Variants in ITGBL1 observed in about 807,000 individuals in gnomAD.
ITGBL1 encodes integrin subunit beta like 1.
In ITGBL1, 51 loss-of-function variants were observed where a neutral mutation model predicts 68.5. That is an observed-to-expected ratio of 0.74 (90% CI 0.59 to 0.94). The LOEUF is 0.94. Ranked by LOEUF, ITGBL1 falls within the 40% of genes least tolerant of loss-of-function variation. ITGBL1 has a pLI of 0.00. For missense variants in ITGBL1, 649 were observed against 647.4 expected (o/e 1.00, Z -0.03); for synonymous variants, 209 against 227.3 (o/e 0.92, Z 0.72).
At chr13:101,551,767 G>T (rs751854977) in intron 2 of ITGBL1, among the ~76,000 whole-genome samples, 1 of 152,114 alleles carries the variant, frequency 6.6e-6, no homozygotes, top group Non-Finnish European at 1.5e-5. Flanking sequence ...TATAAACTTG[G>T]TAAAGCTATT....
At chr13:101,497,194 C>A (rs894424024) in intron 2 of ITGBL1, among the ~76,000 whole-genome samples, 1 of 152,218 alleles carries the variant, frequency 6.6e-6, no homozygotes, top group East Asian at 1.9e-4. Context: ...ATTTACCTGA[C>A]AATCATATTA....
intron 8 of ITGBL1, among the ~76,000 whole-genome samples, chr13:101,693,121 A>T (rs1037901972): frequency 1.3e-5 from 2 of 152,166 alleles, no homozygotes; most frequent in Non-Finnish European, 2.9e-5. Flanking sequence ...AGATTCTATG[A>T]TGCCTCTCAT....
intron 5 of ITGBL1, among the ~76,000 whole-genome samples, chr13:101,581,190 C>G (rs1279996977): frequency 6.6e-6 from 1 of 152,134 alleles, no homozygotes; most frequent in Non-Finnish European, 1.5e-5. Flanking sequence ...AACAAATGTC[C>G]TCTATTGCCC....
rs372325671 is a variant in ITGBL1, at chr13:101,625,756, G to A, written c.1015+27457G>A. Among the ~76,000 whole-genome samples, 14 of 152,150 alleles carry A rather than the reference G, an allele frequency of 9.2e-5. 1 individual carries two copies. Among genetic ancestry groups the A allele is most frequent in the South Asian group, 4.2e-4 (2 of 4,812 alleles). ...TTTAGTAGAGACGGGGTTTCATCAC[G>A]TTGGCCAGGCTTGTCTTTAACTCCT... is the stretch of plus-strand genomic sequence containing the variant. On this transcript the variant is annotated intron_variant, in intron 7 of 10. Transcript: ENST00000376180.
At chr13:101,569,750 T>G (rs1043807441) in intron 3 of ITGBL1, among the ~76,000 whole-genome samples, 13 of 152,154 alleles carry the variant, frequency 8.5e-5, no homozygotes, top group Non-Finnish European at 1.6e-4. Flanking sequence ...ATACATATTC[T>G]TAGGTAAAAC....
chr13:101,669,316 G>C (rs1205058393), intron 7 of ITGBL1, among the ~76,000 whole-genome samples: 2 of 151,968 alleles, frequency 1.3e-5, no homozygotes, highest in Admixed American at 6.6e-5. Context: ...TGAATAATAT[G>C]AAAAATAATA....
chr13:101,551,513 G>A (rs1453884299), intron 2 of ITGBL1, among the ~76,000 whole-genome samples: 2 of 152,172 alleles, frequency 1.3e-5, no homozygotes, highest in African/African-American at 2.4e-5. Flanking sequence ...GAGCAAGATG[G>A]ATCAGGAAGG....
intron 2 of ITGBL1, among the ~76,000 whole-genome samples, chr13:101,528,682 T>C (rs1237680682): frequency 6.6e-6 from 1 of 152,040 alleles, no homozygotes. Flanking sequence ...TGAATGTATA[T>C]AATGAATGTT....
chr13:101,626,839 AAAC>A (rs2031796447), intron 7 of ITGBL1, among the ~76,000 whole-genome samples: 2 of 152,204 alleles, frequency 1.3e-5, no homozygotes, highest in African/African-American at 4.8e-5. Flanking sequence ...TAAAATATGA[AAAC>A]AACATTTTAG....
chr13:101,531,788 A>G (rs373145419), intron 2 of ITGBL1, among the ~76,000 whole-genome samples: 1 of 151,120 alleles, frequency 6.6e-6, no homozygotes, highest in South Asian at 2.1e-4. Flanking sequence ...GCTGGGGTGC[A>G]GTGGTGCGAT....
chr13:101,502,439 A>G (rs763946009), intron 2 of ITGBL1, among the ~76,000 whole-genome samples: 2 of 152,094 alleles, frequency 1.3e-5, no homozygotes, highest in Non-Finnish European at 2.9e-5. Flanking sequence ...CACTTATTCA[A>G]CAAGCATTAT....
At chr13:101,557,119 C>T (rs577180177) in intron 2 of ITGBL1, among the ~76,000 whole-genome samples, 2 of 152,292 alleles carry the variant, frequency 1.3e-5, no homozygotes, top group South Asian at 4.1e-4. Context: ...AGGAATAAGG[C>T]TGTGGGCAGA....
intron 2 of ITGBL1, among the ~76,000 whole-genome samples, chr13:101,565,180 A>G (rs1030224260): frequency 5.3e-5 from 8 of 152,072 alleles, no homozygotes; most frequent in Non-Finnish European, 8.8e-5. Flanking sequence ...AATTATTTTG[A>G]AAAATGAGGT....
chr13:101,618,998 A>G (rs2139382984), intron 7 of ITGBL1, among the ~76,000 whole-genome samples: 1 of 152,180 alleles, frequency 6.6e-6, no homozygotes, highest in Non-Finnish European at 1.5e-5. Flanking sequence ...GGGCAACGAG[A>G]TGTGAGACTG....
intron 2 of ITGBL1, among the ~76,000 whole-genome samples, chr13:101,473,245 G>A (rs1369221768): frequency 6.6e-6 from 1 of 152,132 alleles, no homozygotes; most frequent in Non-Finnish European, 1.5e-5. Context: ...AAAGAAAGAG[G>A]CAATGAAGAG....
chr13:101,694,882 A>T (rs936794139), intron 8 of ITGBL1, among the ~76,000 whole-genome samples: 5 of 152,168 alleles, frequency 3.3e-5, no homozygotes, highest in African/African-American at 1.2e-4. Context: ...AGATTTTCAT[A>T]TGGGAATTCC....
intron 6 of ITGBL1, among the ~76,000 whole-genome samples, chr13:101,597,125 G>C (rs2030018557): frequency 6.6e-6 from 1 of 152,126 alleles, no homozygotes; most frequent in South Asian, 2.1e-4. Flanking sequence ...GTACTTCTCT[G>C]GTGGGAATTG....
intron 2 of ITGBL1, among the ~76,000 whole-genome samples, chr13:101,501,118 C>A (rs902540685): frequency 3.9e-5 from 6 of 152,278 alleles, no homozygotes; most frequent in Admixed American, 2.6e-4. Context: ...GGTGGTTCAC[C>A]TTTTGGCTCC....
intron 2 of ITGBL1, among the ~76,000 whole-genome samples, chr13:101,454,737 C>T (rs1594818168): frequency 6.6e-6 from 1 of 152,200 alleles, no homozygotes; most frequent in East Asian, 1.9e-4. Flanking sequence ...CCTGATTTGC[C>T]CTCTCATTAT....
Sources: allele counts gnomAD v4.1 joint callset (sites outside exome capture counted in the v4.1 genomes callset), GRCh38; gene constraint gnomAD v4.1.1; transcripts MANE v1.5; gene names NCBI Gene and HGNC (gene_info 2026-07-23, HGNC 2026-07-21).